PTGS2: variants seen among roughly 807,000 people sequenced by gnomAD.
PTGS2 encodes the protein prostaglandin-endoperoxide synthase 2, also known as prostaglandin G/H synthase 2.
In PTGS2, 14 loss-of-function variants were observed where a neutral mutation model predicts 63.8. The observed-to-expected ratio is 0.22, with a 90% confidence interval of 0.14 to 0.34. The LOEUF (loss-of-function observed/expected upper bound fraction) is 0.34, where lower values mean the gene tolerates loss of function less well. Ranked by LOEUF, PTGS2 falls within the 10% of genes least tolerant of loss-of-function variation. The pLI is 1.00. For missense variants in PTGS2, 533 were observed against 738.5 expected (o/e 0.72, Z 3.23); for synonymous variants, 271 against 259.5 (o/e 1.04, Z -0.43).
Position 186,674,563 on chromosome 1 carries a change from A to G in PTGS2, c.1605T>C (p.Thr535=). ...ICSPAYWKPS[T]FGGEVGFQII... is the part of the protein sequence containing the mutation. ...TTTGAAAACCCACTTCTCCACCAAA[A>G]GTGCTTGGCTTCCAGTAGGCAGGAG... is the stretch of plus-strand genomic sequence containing the variant. Residue 535 remains threonine (T), a synonymous_variant, in exon 10 of 10, where the codon ACT becomes ACC. Coordinates refer to ENST00000367468, the MANE Select transcript of PTGS2 (RefSeq NM_000963.4). 6.2e-7 allele frequency: 1 copy of G among 1,614,214 alleles called. No individual in the cohort carries two copies. The highest frequency in any genetic ancestry group is 8.5e-7 in the Non-Finnish European group (1 of 1,180,032).
rs1665714015 is a variant in PTGS2 at position 186,672,900 on chromosome 1, T to A, written c.*1453A>T. On this transcript the variant is annotated 3_prime_UTR_variant, in exon 10 of 10. Transcript: ENST00000367468. The stretch of plus-strand genomic sequence containing the variant: ...TACTATTTTTAAAAGGGCCTTTTTT[T>A]TTCTCTTTTAATCTTCTTAAGAGGA... 6.6e-6 allele frequency: 1 copy of A among 152,132 alleles called. No individual in the cohort carries two copies. The highest frequency in any genetic ancestry group is 1.5e-5 in the Non-Finnish European group (1 of 67,970). 9.4% of individuals were successfully genotyped at this position (152,132 alleles called of 1,614,324 possible).
At chr1:186,677,568 T>C (rs1255297554) in intron 5 of PTGS2, 81 bp downstream of exon 5, 1 of 1,297,422 alleles carries the variant, frequency 7.7e-7, no homozygotes. Flanking sequence ...GATCTATCTA[T>C]CTGTATATCT....
Position 186,672,145 on chromosome 1 carries a change from T to A in PTGS2, c.*2208A>T, listed in dbSNP as rs1272059398. 6.6e-6 allele frequency: 1 copy of A among 152,084 alleles called. No individual in the cohort carries two copies. Among genetic ancestry groups the A allele is most frequent in the Non-Finnish European group, 1.5e-5 (1 of 67,976 alleles). 9.4% of individuals were successfully genotyped at this position (152,084 alleles called of 1,614,324 possible). ...TTCTCCCTCTTCCCAAAAGAAAATT[T>A]TTTTCAATTATTTATATAAATACTA... is the stretch of plus-strand genomic sequence containing the variant. On this transcript the variant is annotated 3_prime_UTR_variant, in exon 10 of 10. Transcript: ENST00000367468.
intron 3 of PTGS2, 76 bp from the exon 4 acceptor site, chr1:186,678,480 A>C: frequency 1.4e-6 from 2 of 1,381,818 alleles, no homozygotes; most frequent in South Asian, 3.1e-5. Flanking sequence ...TTATTGTAAA[A>C]TGTGGAAAGT....
Position 186,671,897 on chromosome 1 carries a change from A to G in PTGS2, c.*2456T>C, listed in dbSNP as rs1468034534. The G allele has an allele frequency of 6.6e-6, 1 of 152,174 alleles. No homozygotes were observed. The highest frequency in any genetic ancestry group is 1.5e-5 in the Non-Finnish European group (1 of 68,008). 9.4% of individuals were successfully genotyped at this position (152,174 alleles called of 1,614,324 possible). A position where few individuals can be genotyped will look rare whatever the true frequency, so the allele number is the denominator to read the frequency against. On this transcript the variant is annotated 3_prime_UTR_variant, in exon 10 of 10. Coordinates refer to ENST00000367468, the MANE Select transcript of PTGS2 (RefSeq NM_000963.4). ...GACTTATCTTTTACATAAGTTAAAT[A>G]CACATTTGTCTGAGGCACTGAAACA...
intron 9 of PTGS2, 37 bp from the exon 10 acceptor site, chr1:186,674,799 CA>C: frequency 6.5e-7 from 1 of 1,536,486 alleles, no homozygotes; most frequent in Non-Finnish European, 8.8e-7. Context: ...CAACCAATGT[CA>C]AACTTCACAA....
Position 186,674,692 on chromosome 1 carries a change from G to A in PTGS2, c.1476C>T (p.Ala492=). The part of the protein sequence containing the change: ...GDIDAVELYP[A]LLVEKPRPDA... Reference sequence around the variant, plus strand: ...CTGGCCGAGGCTTTTCTACCAGAAGGGCAGGATACAGCTCCACAGCATCGA... The same window carrying A: ...CTGGCCGAGGCTTTTCTACCAGAAGAGCAGGATACAGCTCCACAGCATCGA... The change falls in exon 10 of 10, where the codon GCC becomes GCT. Residue 492 remains alanine, a synonymous_variant. Coordinates refer to ENST00000367468, the MANE Select transcript of PTGS2 (RefSeq NM_000963.4). The A allele has an allele frequency of 6.2e-7, 1 of 1,614,186 alleles. No individual in the cohort carries two copies. Among genetic ancestry groups the A allele is most frequent in the Non-Finnish European group, 8.5e-7 (1 of 1,180,028 alleles).
At chr1:186,678,489 G>C in intron 3 of PTGS2, 85 bp from the exon 4 acceptor site, 1 of 1,297,590 alleles carries the variant, frequency 7.7e-7, no homozygotes, top group Non-Finnish European at 1.0e-6. Flanking sequence ...AATGTGGAAA[G>C]TGGCACCTGA....
Position 186,680,220 on chromosome 1 carries a change from C to T in PTGS2, c.52+19G>A. ...GTGCGTGGAACCGGAGTCCCCGGTG[C>T]GCGGCGCCAGGTACTCACCTGTATG... On this transcript the variant is annotated intron_variant, in intron 1 of 9. Coordinates refer to ENST00000367468, the MANE Select transcript of PTGS2 (RefSeq NM_000963.4). 1.3e-6 allele frequency: 2 copies of T among 1,549,316 alleles called. No individual in the cohort carries two copies. The highest frequency in any genetic ancestry group is 1.7e-6 in the Non-Finnish European group (2 of 1,146,624).
At position 186,676,077 on chromosome 1, in the gene PTGS2, G is replaced by T; in HGVS notation, c.1078C>A (p.Gln360Lys). ...ELLFNKQFQY[Q>K]NRIAAEFNTL... is the part of the protein sequence containing the mutation. ...TTAAATTCAGCAGCAATACGATTTT[G>T]GTACTGGAATTGTTTGTTGAAAAGT... is the stretch of plus-strand genomic sequence containing the variant. The change falls in exon 8 of 10, where the codon CAA becomes AAA. Residue 360 changes from glutamine to lysine, a missense_variant. Gln to Lys is a moderately conservative substitution (Grantham distance 53, BLOSUM62 1). Coordinates refer to ENST00000367468, the MANE Select transcript of PTGS2 (RefSeq NM_000963.4). 1 of 1,614,090 alleles carries T rather than the reference G, an allele frequency of 6.2e-7. No homozygotes were observed. The highest frequency in any genetic ancestry group is 8.5e-7 in the Non-Finnish European group (1 of 1,179,992).
chr1:186,677,798 CA>C lies in PTGS2; in HGVS notation c.489del (p.Ile163MetfsTer7). 6.2e-7 allele frequency: 1 copy of C among 1,613,480 alleles called. No homozygotes were observed. The highest frequency in any genetic ancestry group is 8.5e-7 in the Non-Finnish European group (1 of 1,179,784). ...GKKQLPDSNE[I>X]VEKLLLRRKF... ...TTTCTTCTTAGAAGCAATTTTTCCA[CA>C]ATCTCATTTGAATCAGGAAGCTGCT... On this transcript the variant is annotated frameshift_variant, in exon 5 of 10. Coordinates refer to ENST00000367468, the MANE Select transcript of PTGS2 (RefSeq NM_000963.4). LOFTEE classifies it high-confidence loss of function.
rs200140544 is a variant in PTGS2, at chr1:186,680,281, G to C, written c.10C>G (p.Arg4Gly). 6.5e-7 allele frequency: 1 copy of C among 1,544,072 alleles called. No homozygotes were observed. Among genetic ancestry groups the C allele is most frequent in the Non-Finnish European group, 8.7e-7 (1 of 1,143,616 alleles). MLA[R>G]ALLLCAVLAL... ...AGGACCGCGCACAGCAGCAGGGCGC[G>C]GGCGAGCATCGCAGCGGCGGGCAGG... The change falls in exon 1 of 10, where the codon CGC (arginine) becomes GGC (glycine). Residue 4 changes from arginine to glycine, a missense_variant. Around this residue, in one of 5 missense-constraint regions of PTGS2, gnomAD observed 118 missense variants for 144.6 expected, o/e 0.82. Coordinates refer to ENST00000367468, the MANE Select transcript of PTGS2 (RefSeq NM_000963.4).
At chr1:186,675,791 A>G (rs921095779) in intron 8 of PTGS2, 107 bp downstream of exon 8, 1 of 1,157,778 alleles carries the variant, frequency 8.6e-7, no homozygotes, top group Non-Finnish European at 1.2e-6. Flanking sequence ...TTTACTAGCA[A>G]TATAACTAAC....
At position 186,675,316 on chromosome 1, in the gene PTGS2, G is replaced by C; in HGVS notation, c.1338C>G (p.Tyr446Ter). The C allele has an allele frequency of 6.2e-7, 1 of 1,614,148 alleles. No homozygotes were observed. Among genetic ancestry groups the C allele is most frequent in the Non-Finnish European group, 8.5e-7 (1 of 1,179,998 alleles). Residue 446 changes from tyrosine (Y) to a stop codon, truncating the protein, a stop_gained, in exon 9 of 10, where the codon TAC (tyrosine) becomes TAG (stop). Coordinates refer to ENST00000367468, the MANE Select transcript of PTGS2 (RefSeq NM_000963.4). LOFTEE classifies it high-confidence loss of function. ...ASIDQSRQMKYQSFNEYRKRF... is the reference protein window; with the variant it reads ...ASIDQSRQMK The stretch of plus-strand genomic sequence containing the variant: ...GTTTGCGGTACTCATTAAAAGACTG[G>C]TATTTCATCTGCCTGCTCTGGTCAA...
In PTGS2 at chr1:186,672,940, C is replaced by T. The variant is rs1327341470; in HGVS notation, c.*1413G>A. 6.6e-6 allele frequency: 1 copy of T among 151,560 alleles called. No individual in the cohort carries two copies. Among genetic ancestry groups the T allele is most frequent in the East Asian group, 1.9e-4 (1 of 5,168 alleles). The allele number at this position is 151,560 out of a possible 1,614,324, so 9.4% of individuals were successfully genotyped here. A position where few individuals can be genotyped will look rare whatever the true frequency, so the allele number is the denominator to read the frequency against. On this transcript the variant is annotated 3_prime_UTR_variant, in exon 10 of 10. Coordinates refer to ENST00000367468, the MANE Select transcript of PTGS2 (RefSeq NM_000963.4). ...TCTTAAGAGGAGCTAAATAGCAGTC[C>T]TGAGCTGAGGTTTACCTGAAAACTT...
intron 2 of PTGS2, 45 bp downstream of exon 2, chr1:186,679,275 CTG>C (rs751511504): frequency 1.2e-6 from 2 of 1,611,856 alleles, no homozygotes; most frequent in Non-Finnish European, 1.7e-6. Flanking sequence ...ACAATGATAA[CTG>C]TATCCAGCCC....
At position 186,672,773 on chromosome 1, in the gene PTGS2, C is replaced by T. The variant is rs976223976; in HGVS notation, c.*1580G>A. 6.6e-6 allele frequency: 1 copy of T among 152,566 alleles called. No homozygotes were observed. The highest frequency in any genetic ancestry group is 1.5e-5 in the Non-Finnish European group (1 of 67,990). 9.5% of individuals were successfully genotyped at this position (152,566 alleles called of 1,614,324 possible). On this transcript the variant is annotated 3_prime_UTR_variant, in exon 10 of 10. Coordinates refer to ENST00000367468, the MANE Select transcript of PTGS2 (RefSeq NM_000963.4). ...ACTTTTTCCAGTCACAAACCCCGTA[C>T]AGTTCTCTCTGAGGCACTAGCCTCT...
In PTGS2 at chr1:186,676,653, G is replaced by C; in HGVS notation, c.784C>G (p.Pro262Ala). ...CGTAGATGCTCAGGGACTTGAGGAG[G>C]GTAGATCATCTCTGCCTGAGTATCT... ...VKDTQAEMIY[P>A]PQVPEHLRFA... is the part of the protein sequence containing the mutation. Residue 262 changes from proline (P) to alanine (A), a missense_variant, in exon 7 of 10, where the codon CCT (proline) becomes GCT (alanine). Pro to Ala is a conservative substitution (Grantham distance 27). Coordinates refer to ENST00000367468, the MANE Select transcript of PTGS2 (RefSeq NM_000963.4). The C allele has an allele frequency of 6.2e-7, 1 of 1,613,906 alleles. No homozygotes were observed. Among genetic ancestry groups the C allele is most frequent in the Non-Finnish European group, 8.5e-7 (1 of 1,179,962 alleles).
In PTGS2 at chr1:186,676,651, A is replaced by T. The variant is rs1665786832; in HGVS notation, c.786T>A (p.Pro262=). 6.2e-7 allele frequency: 1 copy of T among 1,614,046 alleles called. No individual in the cohort carries two copies. Among genetic ancestry groups the T allele is most frequent in the Non-Finnish European group, 8.5e-7 (1 of 1,180,022 alleles). ...ACCGTAGATGCTCAGGGACTTGAGGAGGGTAGATCATCTCTGCCTGAGTAT... is the reference window on the plus strand; with the variant it reads ...ACCGTAGATGCTCAGGGACTTGAGGTGGGTAGATCATCTCTGCCTGAGTAT... ...VKDTQAEMIY[P]PQVPEHLRFA... The change falls in exon 7 of 10, where the codon CCT becomes CCA. Residue 262 remains proline, a synonymous_variant. Coordinates refer to ENST00000367468, the MANE Select transcript of PTGS2 (RefSeq NM_000963.4).
Sources: gnomAD v4.1 joint callset for allele counts on GRCh38, gnomAD v4.1.1 for gene constraint, gnomAD v4.1.1 regional missense constraint, MANE v1.5 for transcripts, NCBI Gene and HGNC (gene_info 2026-07-23, HGNC 2026-07-21) for gene names.